PHF12: variants seen among roughly 807,000 people sequenced by gnomAD.
The protein encoded by PHF12 is PHD factor 1.
A neutral mutation model predicts 99.8 loss-of-function variants in PHF12; 6 were observed. The observed-to-expected ratio is 0.06, with a 90% CI of 0.03 to 0.12. The LOEUF is 0.12. Ranked by LOEUF, PHF12 falls within the 10% of genes least tolerant of loss-of-function variation. The pLI is 1.00. For missense variants in PHF12, 954 were observed against 1,300.1 expected (o/e 0.73, Z 4.09); for synonymous variants, 480 against 514.9 (o/e 0.93, Z 0.92).
In PHF12 at chr17:28,934,657, C is replaced by A. The variant is rs1227605008; in HGVS notation, c.249-7594G>T. ...ATGGAGTCTTGCTCTGTTGCCCAGG[C>A]TGGAGCGCAATGGTGCGATCTCTGC... On this transcript the variant is annotated intron_variant, in intron 2 of 14. Transcript: ENST00000332830. Among the ~76,000 whole-genome samples the A allele has an allele frequency of 4.2e-5, 6 of 144,048 alleles. No homozygotes were observed. The East Asian group carries it at 1.2e-3, about 29-fold the overall frequency. The allele number at this position is 144,048 out of a possible 152,430, so 94.5% of individuals were successfully genotyped here.
chr17:28,938,637 TAC>T (rs1223964496), intron 2 of PHF12, among the ~76,000 whole-genome samples: 1 of 152,148 alleles, frequency 6.6e-6, no homozygotes, highest in Non-Finnish European at 1.5e-5. Flanking sequence ...GTGAGAATAA[TAC>T]TATTTGGGCC....
intron 2 of PHF12, among the ~76,000 whole-genome samples, chr17:28,928,912 A>G (rs1430835714): frequency 1.3e-5 from 2 of 152,036 alleles, no homozygotes; most frequent in African/African-American, 2.4e-5. Flanking sequence ...CCTGGCCAAC[A>G]TGGTGAAACC....
rs372498852 is a variant in PHF12, at chr17:28,906,354, G to A, written c.2844C>T (p.His948=). 1 of 1,614,224 alleles carries A rather than the reference G, an allele frequency of 6.2e-7. No individual in the cohort carries two copies. Among genetic ancestry groups the A allele is most frequent in the South Asian group, 1.1e-5 (1 of 91,090 alleles). The change falls in exon 15 of 15, where the codon CAC becomes CAT. Residue 948 remains histidine, a synonymous_variant. Coordinates refer to ENST00000332830, the MANE Select transcript of PHF12 (RefSeq NM_001033561.2). The surrounding 1 kb of genome is among the most constrained non-coding windows in gnomAD (Gnocchi z 4.2). ...AGCCCAGCTTGATGTAGCTGCCATGGTGCAGTAAGGCTGTGCCCTCCCAGC... is the reference window on the plus strand; with the variant it reads ...AGCCCAGCTTGATGTAGCTGCCATGATGCAGTAAGGCTGTGCCCTCCCAGC... The part of the protein sequence containing the change: ...GAGWEGTALL[H]HGSYIKLGCL...
At chr17:28,944,378 T>C in intron 2 of PHF12, 1 of 671,074 alleles carries the variant, frequency 1.5e-6, no homozygotes, top group Non-Finnish European at 1.8e-6. Context: ...CTGTAATCTT[T>C]CAAGAGTATA....
At chr17:28,946,106 T>C (rs543032871) in intron 2 of PHF12, among the ~76,000 whole-genome samples, 27 of 152,162 alleles carry the variant, frequency 1.8e-4, no homozygotes, top group African/African-American at 6.3e-4. Flanking sequence ...CACTCCAGCC[T>C]CGGTGACAGA....
In PHF12 at chr17:28,950,612, CA is replaced by C; in HGVS notation, c.66+282del. The C allele has an allele frequency of 3.8e-6, 2 of 530,206 alleles. No homozygotes were observed. The highest frequency in any genetic ancestry group is 6.6e-6 in the Non-Finnish European group (2 of 303,606). The allele number at this position is 530,206 out of a possible 1,614,324, so 32.8% of individuals were successfully genotyped here. Reference sequence around the variant, plus strand: ...CGTGCTGGGGGAAGCACAAAGGGGCCAACAAGAAGGGGGTGGGGAGGCCTGC... The same window carrying C: ...CGTGCTGGGGGAAGCACAAAGGGGCCACAAGAAGGGGGTGGGGAGGCCTGC... On this transcript the variant is annotated intron_variant, in intron 1 of 14. Transcript: ENST00000332830. This position sits in a 1 kb window ranked among gnomAD's most constrained non-coding sequence, Gnocchi z 5.7.
intron 2 of PHF12, among the ~76,000 whole-genome samples, chr17:28,934,636 A>T: frequency 8.5e-6 from 1 of 117,280 alleles, no homozygotes; most frequent in Non-Finnish European, 1.7e-5. Flanking sequence ...TTTGAGATGG[A>T]GTCTTGCTCT....
At chr17:28,942,068 T>C (rs2040627608) in intron 2 of PHF12, among the ~76,000 whole-genome samples, 1 of 152,196 alleles carries the variant, frequency 6.6e-6, no homozygotes, top group African/African-American at 2.4e-5. Flanking sequence ...TAGACTTCTT[T>C]GCTAGGAAAG....
At chr17:28,935,800 T>C (rs1176000528) in intron 2 of PHF12, among the ~76,000 whole-genome samples, 1 of 152,102 alleles carries the variant, frequency 6.6e-6, no homozygotes, top group Non-Finnish European at 1.5e-5. Context: ...GACTCCAACA[T>C]ACCTAGACTC....
chr17:28,911,057 G>A (rs2277665), intron 10 of PHF12, 55 bp downstream of exon 10: 197,385 of 1,609,794 alleles, frequency 0.12, 12,865 homozygotes, highest in African/African-American at 0.19. Flanking sequence ...ATGCTGTATA[G>A]GAATAGCACC....
rs1304831044 is a variant in PHF12 at position 28,949,669 on chromosome 17, C to T, written c.248+396G>A. The T allele has an allele frequency of 5.8e-6, 1 of 172,974 alleles. No homozygotes were observed. The highest frequency in any genetic ancestry group is 2.4e-5 in the African/African-American group (1 of 42,048). The allele number at this position is 172,974 out of a possible 1,614,324, so 10.7% of individuals were successfully genotyped here. A position where few individuals can be genotyped will look rare whatever the true frequency, so the allele number is the denominator to read the frequency against. On this transcript the variant is annotated intron_variant, in intron 2 of 14. Transcript: ENST00000332830. The surrounding 1 kb of genome is among the most constrained non-coding windows in gnomAD (Gnocchi z 4.6). Reference sequence around the variant, plus strand: ...TGGCCGAGGGCTCCACGCACCCACCCCGAGGAGATCCCGGCCGGGCAGGAG... The same window carrying T: ...TGGCCGAGGGCTCCACGCACCCACCTCGAGGAGATCCCGGCCGGGCAGGAG...
At chr17:28,942,844 T>C (rs977869191) in intron 2 of PHF12, among the ~76,000 whole-genome samples, 1 of 151,188 alleles carries the variant, frequency 6.6e-6, no homozygotes, top group Non-Finnish European at 1.5e-5. Context: ...ATAAAATAAA[T>C]AAATAAATAA....
intron 11 of PHF12, 83 bp from the exon 12 acceptor site, chr17:28,908,964 G>C: frequency 7.7e-7 from 1 of 1,297,114 alleles, no homozygotes; most frequent in South Asian, 1.3e-5. Flanking sequence ...CTGGACCTTT[G>C]GCTCATGGCC....
At chr17:28,937,902 C>T (rs952775683) in intron 2 of PHF12, among the ~76,000 whole-genome samples, 1 of 152,260 alleles carries the variant, frequency 6.6e-6, no homozygotes, top group Non-Finnish European at 1.5e-5. Context: ...CTAGAGCCCA[C>T]CTGTTTTGGA....
At chr17:28,939,604 A>AGTAG (rs1242080445) in intron 2 of PHF12, among the ~76,000 whole-genome samples, 1 of 152,246 alleles carries the variant, frequency 6.6e-6, no homozygotes, top group Non-Finnish European at 1.5e-5. Flanking sequence ...GAAAAGCAAG[A>AGTAG]GTAGGTCATC....
Position 28,950,671 on chromosome 17 carries a change from G to C in PHF12, c.66+224C>G. ...ACGAGATGGAGTGGGCTGGCGCCTC[G>C]GGAGAGCGAATCGAGGGCGGCGGGT... On this transcript the variant is annotated intron_variant, in intron 1 of 14. Transcript: ENST00000332830. This position sits in a 1 kb window ranked among gnomAD's most constrained non-coding sequence, Gnocchi z 5.7. The C allele has an allele frequency of 1.6e-6, 1 of 616,704 alleles. No homozygotes were observed. The highest frequency in any genetic ancestry group is 3.2e-5 in the East Asian group (1 of 31,452). The allele number at this position is 616,704 out of a possible 1,614,324, so 38.2% of individuals were successfully genotyped here.
intron 2 of PHF12, among the ~76,000 whole-genome samples, chr17:28,948,021 A>G (rs765344286): frequency 1.4e-4 from 21 of 152,214 alleles, no homozygotes; most frequent in South Asian, 1.0e-3. Context: ...ACAAGACTTT[A>G]GACTCGTCTA....
At chr17:28,928,511 C>T (rs896918168) in intron 2 of PHF12, among the ~76,000 whole-genome samples, 6 of 152,142 alleles carry the variant, frequency 3.9e-5, no homozygotes, top group African/African-American at 1.4e-4. Flanking sequence ...ATGATTGGAT[C>T]TCTTCCCTCC....
In PHF12 at chr17:28,912,958, T is replaced by C. The variant is rs1302950003; in HGVS notation, c.1613A>G (p.Asn538Ser). 8.7e-6 allele frequency: 14 copies of C among 1,614,102 alleles called. No individual in the cohort carries two copies. Among genetic ancestry groups the C allele is most frequent in the Non-Finnish European group, 1.2e-5 (14 of 1,180,048 alleles). Residue 538 changes from asparagine to serine, a missense_variant, in exon 9 of 15, where the codon AAT becomes AGT. Coordinates refer to ENST00000332830, the MANE Select transcript of PHF12 (RefSeq NM_001033561.2). ...TTTCACCTCTGTGTTCACTGGCCCA[T>C]TGGCAGTCCCACAAGGGGTTTTCTT... ...KSKKTPCGTANGPVNTEVKAN... is the reference protein window; with the variant it reads ...KSKKTPCGTASGPVNTEVKAN...
Sources: allele counts gnomAD v4.1 joint callset (sites outside exome capture counted in the v4.1 genomes callset), GRCh38; gene constraint gnomAD v4.1.1; non-coding constraint Gnocchi (gnomAD v3.1); transcripts MANE v1.5; gene names NCBI Gene and HGNC (gene_info 2026-07-23, HGNC 2026-07-21).